The following ALS2 variants were observed in gnomAD, a reference collection of about 807,000 sequenced individuals.
ALS2 encodes alsin.
Under a neutral mutation model 203.4 loss-of-function variants are expected in ALS2, and 117 were observed. The ratio of observed to expected loss-of-function variants is 0.58; its 90% confidence interval spans 0.50 to 0.67. ALS2 has a LOEUF of 0.67. Ranked by LOEUF, ALS2 falls within the 30% of genes least tolerant of loss-of-function variation. ALS2 has a pLI of 0.00. For missense variants in ALS2, 1,715 were observed against 1,989.4 expected (o/e 0.86, Z 2.62); for synonymous variants, 718 against 725.9 (o/e 0.99, Z 0.17).
chr2:201,715,919 C>T, intron 24 of ALS2, 80 bp from the exon 25 acceptor site: 1 of 1,527,794 alleles, frequency 6.5e-7, no homozygotes, highest in Non-Finnish European at 9.1e-7. Flanking sequence ...TTCTAACATA[C>T]AACTGAGAAT....
Position 201,741,703 on chromosome 2 carries a change from A to T in ALS2, c.2322T>A (p.His774Gln). 1.2e-6 allele frequency: 2 copies of T among 1,614,130 alleles called. No homozygotes were observed. The highest frequency in any genetic ancestry group is 1.7e-6 in the Non-Finnish European group (2 of 1,180,022). The change falls in exon 11 of 34, where the codon CAT becomes CAA. Residue 774 changes from histidine to glutamine, a missense_variant. Physicochemically the swap from His to Gln is conservative, Grantham distance 24. Transcript: ENST00000264276. ...TATAACTATCCAAGAAGAGACTTGA[A>T]TGCTTCAGGATGACCAAACTCCTGG... ...KEARSLVILK[H>Q]SSLFLDSYTE...
intron 1 of ALS2, among the ~76,000 whole-genome samples, chr2:201,777,559 T>C (rs1284459310): frequency 6.6e-6 from 1 of 152,188 alleles, no homozygotes; most frequent in Non-Finnish European, 1.5e-5. Context: ...TATGTACTCA[T>C]CATCCAGTTT....
Position 201,723,434 on chromosome 2 carries a change from T to G in ALS2, c.3520A>C (p.Lys1174Gln). The change falls in exon 22 of 34, where the codon AAG becomes CAG. Residue 1174 changes from lysine (K) to glutamine (Q), a missense_variant. Physicochemically the swap from Lys to Gln is moderately conservative, Grantham distance 53. Transcript: ENST00000264276. ...TCATCTTGCCACATTCCCATATACT[T>G]TTCCCCCCTGCACAGAAATAAAAAG... ...GVFDDITRGE[K>Q]YMGMWQDDVC... 6.2e-7 allele frequency: 1 copy of G among 1,612,654 alleles called. No homozygotes were observed. The highest frequency in any genetic ancestry group is 8.5e-7 in the Non-Finnish European group (1 of 1,178,788).
intron 1 of ALS2, among the ~76,000 whole-genome samples, chr2:201,770,310 C>G (rs1425130010): frequency 1.3e-5 from 2 of 148,924 alleles, no homozygotes; most frequent in Non-Finnish European, 2.9e-5. Context: ...GAATTTTGTC[C>G]TACTAACAAT....
At chr2:201,741,397 C>G (rs185858411) in intron 11 of ALS2, 2 of 331,798 alleles carry the variant, frequency 6.0e-6, no homozygotes, top group Admixed American at 8.9e-5. Context: ...TCTAAAGAAC[C>G]AGACTTATTA....
chr2:201,775,932 T>TAC (rs1370565141), intron 1 of ALS2, among the ~76,000 whole-genome samples: 1 of 152,218 alleles, frequency 6.6e-6, no homozygotes, highest in Non-Finnish European at 1.5e-5. Flanking sequence ...TTCACCGGTA[T>TAC]ACTCTTGTAC....
chr2:201,778,255 G>C (rs1574816905), intron 1 of ALS2, among the ~76,000 whole-genome samples: 1 of 152,112 alleles, frequency 6.6e-6, no homozygotes. Context: ...TCAATTTGTG[G>C]AATTAATGAG....
chr2:201,776,720 T>C lies in ALS2; in HGVS notation c.-61+4157A>G, dbSNP rs149811911. Among the ~76,000 whole-genome samples the C allele has an allele frequency of 7.5e-3, 1,136 of 152,304 alleles. 14 individuals are homozygous for C. Among genetic ancestry groups the C allele is most frequent in the African/African-American group, 0.027 (1,103 of 41,572 alleles). On this transcript the variant is annotated intron_variant, in intron 1 of 33. Transcript: ENST00000264276. ...AAGTATGATGACTTCTTTCACCAAC[T>C]GATAACAGTGCTTAGGATCATTCAG...
In ALS2 at chr2:201,741,858, T is replaced by C. The variant is rs780648054; in HGVS notation, c.2171-4A>G. ...GTAGTTGTAGTGCCCAAATTTTCTA[T>C]AACAAAATAATGATGATGATGACAA... is the stretch of plus-strand genomic sequence containing the variant. On this transcript the variant is annotated splice_polypyrimidine_tract_variant and splice_region_variant and intron_variant, in intron 10 of 33. Transcript: ENST00000264276. 5 of 1,609,388 alleles carry C rather than the reference T, an allele frequency of 3.1e-6. No individual in the cohort carries two copies. The highest frequency in any genetic ancestry group is 2.6e-6 in the Non-Finnish European group (3 of 1,176,152).
intron 7 of ALS2, among the ~76,000 whole-genome samples, chr2:201,752,725 T>C (rs1276891367): frequency 1.3e-5 from 2 of 152,204 alleles, no homozygotes; most frequent in Non-Finnish European, 2.9e-5. Flanking sequence ...GTATGGTTTT[T>C]AGTAATGCTA....
chr2:201,766,641 C>T (rs1233659065), intron 3 of ALS2, among the ~76,000 whole-genome samples: 1 of 149,540 alleles, frequency 6.7e-6, no homozygotes, highest in Non-Finnish European at 1.5e-5. Flanking sequence ...AAGAGCAAAA[C>T]TCAGTTTCAA....
chr2:201,722,892 G>A (rs560162808), intron 23 of ALS2, 151 bp downstream of exon 23: 3 of 630,134 alleles, frequency 4.8e-6, no homozygotes, highest in Non-Finnish European at 8.4e-6. Context: ...GATTGTGGTG[G>A]TGGTTTGTAC....
intron 9 of ALS2, among the ~76,000 whole-genome samples, chr2:201,745,052 T>C (rs1015529181): frequency 8.5e-5 from 13 of 152,204 alleles, no homozygotes; most frequent in African/African-American, 3.1e-4. Flanking sequence ...ACAGACCCAA[T>C]GCACTATTAA....
At chr2:201,729,344 T>C (rs6743712) in intron 13 of ALS2, among the ~76,000 whole-genome samples, 161 bp from the exon 14 acceptor site, 329 of 152,148 alleles carry the variant, frequency 2.2e-3, no homozygotes, top group African/African-American at 7.1e-3. Context: ...AAAAGGAGAT[T>C]GGTTTCAGAA....
rs1045059896 is a variant in ALS2 at position 201,744,565 on chromosome 2, C to G, written c.1999-136G>C. ...GAAAATTTGCAAGCAAGTAATTAAA[C>G]CATTGGCAGCTTGAAAATTGGCCAT... On this transcript the variant is annotated intron_variant, in intron 9 of 33. Transcript: ENST00000264276. The G allele has an allele frequency of 4.3e-6, 4 of 921,646 alleles. No homozygotes were observed. In the Admixed American group the frequency reaches 6.6e-5, roughly 15 times the overall value. The allele number at this position is 921,646 out of a possible 1,614,324, so 57.1% of individuals were successfully genotyped here.
chr2:201,704,738 A>G, intron 31 of ALS2, 135 bp from the exon 32 acceptor site: 1 of 990,006 alleles, frequency 1.0e-6, no homozygotes, highest in Non-Finnish European at 1.6e-6. Flanking sequence ...GAGTCGTTGG[A>G]AAGGATGACT....
In ALS2 at chr2:201,751,299, A is replaced by G. The variant is rs550439235; in HGVS notation, c.1738-1510T>C. 4.1e-4 allele frequency among the ~76,000 whole-genome samples: 62 copies of G among 152,294 alleles called. 1 individual carries two copies. The highest frequency in any genetic ancestry group is 1.4e-3 in the African/African-American group (60 of 41,564). On this transcript the variant is annotated intron_variant, in intron 7 of 33. Coordinates refer to ENST00000264276, the MANE Select transcript of ALS2 (RefSeq NM_020919.4). Reference sequence around the variant, plus strand: ...ACAAACTCTCTTCCAGCAAGGTCCAATTTACATTCCTGCCTGCACTGCACG... The same window carrying G: ...ACAAACTCTCTTCCAGCAAGGTCCAGTTTACATTCCTGCCTGCACTGCACG...
rs569375691 is a variant in ALS2, at chr2:201,776,041, C to T, written c.-61+4836G>A. ...CAGTTGCAATCCACAGACTTCCACG[C>T]TATAGATTTCTAGTGCCTGTAATAA... On this transcript the variant is annotated intron_variant, in intron 1 of 33. Coordinates refer to ENST00000264276, the MANE Select transcript of ALS2 (RefSeq NM_020919.4). Among the ~76,000 whole-genome samples the T allele has an allele frequency of 3.9e-5, 6 of 152,220 alleles. No homozygotes were observed. The South Asian group carries it at 1.2e-3, about 32-fold the overall frequency.
rs41258154 is a variant in ALS2, at chr2:201,707,205, T to G, written c.4404-183A>C. ...GAGGACATTATCTATAATTTTGTCT[T>G]AGAGGAAACTGTGAATTCTTTTCAT... On this transcript the variant is annotated intron_variant, in intron 28 of 33. Coordinates refer to ENST00000264276, the MANE Select transcript of ALS2 (RefSeq NM_020919.4). Among the ~76,000 whole-genome samples, 2,663 of 152,292 alleles carry G rather than the reference T, an allele frequency of 0.017. 25 individuals are homozygous for G. The highest frequency in any genetic ancestry group is 0.028 in the Non-Finnish European group (1,930 of 68,020).
Sources: gnomAD v4.1 joint callset for allele counts (sites outside exome capture counted in the v4.1 genomes callset) on GRCh38, gnomAD v4.1.1 for gene constraint, MANE v1.5 for transcripts, NCBI Gene and HGNC (gene_info 2026-07-23, HGNC 2026-07-21) for gene names.